PCDH15: variants seen among roughly 807,000 people sequenced by gnomAD.
PCDH15 encodes the protein protocadherin-15.
PCDH15 carries 129 observed loss-of-function variants against 178.5 expected under a neutral mutation model. The observed-to-expected ratio is 0.72, with a 90% CI of 0.63 to 0.84. The LOEUF is 0.84. Among genes scored for constraint, PCDH15 ranks in the 40% least tolerant of loss-of-function variants. The pLI, the probability that PCDH15 is intolerant of heterozygous loss-of-function variation, is 0.00. For synonymous variants in PCDH15, 800 were observed against 732.0 expected (o/e 1.09, Z -1.50); for missense variants, 2,230 against 2,099.9 (o/e 1.06, Z -1.21).
At chr10:54,794,404 T>C (rs571638537) in intron 1 of PCDH15, among the ~76,000 whole-genome samples, 1 of 151,782 alleles carries the variant, frequency 6.6e-6, no homozygotes, top group African/African-American at 2.4e-5. Flanking sequence ...ATTAATATAA[T>C]GTATGCTATT....
In PCDH15 at chr10:55,549,849, A is replaced by T. The variant is rs542866510; in HGVS notation, c.-156+77776T>A. On this transcript the variant is annotated intron_variant, in intron 2 of 5. Transcript: ENST00000613346. ...GTGTTCTCTATCATTGTCAATTGGTACGACAAATAGAGGAGAAAAGACTAG... is the reference window on the plus strand; with the variant it reads ...GTGTTCTCTATCATTGTCAATTGGTTCGACAAATAGAGGAGAAAAGACTAG... 5.9e-5 allele frequency among the ~76,000 whole-genome samples: 9 copies of T among 152,254 alleles called. No homozygotes were observed. In the South Asian group the frequency reaches 1.5e-3, roughly 25 times the overall value.
intron 2 of PCDH15, among the ~76,000 whole-genome samples, chr10:55,379,619 T>A (rs1007017499): frequency 4.6e-5 from 7 of 151,954 alleles, no homozygotes; most frequent in Non-Finnish European, 8.8e-5. Flanking sequence ...AAATACTTAT[T>A]TAGCTGTAAA....
intron 18 of PCDH15, among the ~76,000 whole-genome samples, chr10:54,040,062 G>T (rs1304883118): frequency 6.6e-6 from 1 of 151,928 alleles, no homozygotes; most frequent in Non-Finnish European, 1.5e-5. Context: ...TGCAAATCAT[G>T]CACTATACAA....
At chr10:54,161,750 G>A (rs1228232411) in intron 13 of PCDH15, among the ~76,000 whole-genome samples, 1 of 151,958 alleles carries the variant, frequency 6.6e-6, no homozygotes, top group Non-Finnish European at 1.5e-5. Flanking sequence ...TCTCATCCAT[G>A]GATTATGATT....
At chr10:55,070,243 A>T (rs1170026352) in intron 2 of PCDH15, among the ~76,000 whole-genome samples, 1 of 152,024 alleles carries the variant, frequency 6.6e-6, no homozygotes, top group East Asian at 1.9e-4. Flanking sequence ...GTTCACTCTG[A>T]TGGTAGTTTC....
chr10:55,229,787 C>T (rs967505004), intron 1 of PCDH15, among the ~76,000 whole-genome samples: 2 of 152,000 alleles, frequency 1.3e-5, no homozygotes, highest in Non-Finnish European at 1.5e-5. Context: ...GAGTAGTAGA[C>T]AGCAGAATAA....
chr10:54,334,718 T>G (rs1168275880), intron 6 of PCDH15, among the ~76,000 whole-genome samples: 1 of 140,180 alleles, frequency 7.1e-6, no homozygotes, highest in Non-Finnish European at 1.6e-5. Flanking sequence ...CACACACGTG[T>G]ATATATATTT....
At chr10:54,431,048 A>G (rs1423333345) in intron 3 of PCDH15, among the ~76,000 whole-genome samples, 1 of 152,140 alleles carries the variant, frequency 6.6e-6, no homozygotes, top group East Asian at 1.9e-4. Context: ...ACAAGCTACC[A>G]GAATAGACGC....
chr10:54,670,991 C>T (rs928383791), intron 1 of PCDH15, among the ~76,000 whole-genome samples: 1 of 152,042 alleles, frequency 6.6e-6, no homozygotes, highest in Admixed American at 6.6e-5. Context: ...GTTTTCAGAA[C>T]CTTCATCTAA....
At chr10:54,446,763 G>A (rs535974771) in intron 3 of PCDH15, among the ~76,000 whole-genome samples, 19 of 151,414 alleles carry the variant, frequency 1.3e-4, no homozygotes, top group East Asian at 3.9e-4. Flanking sequence ...TAAAAAAGTC[G>A]GATTAGGCTC....
chr10:55,162,791 G>A (rs1839098631), intron 2 of PCDH15, among the ~76,000 whole-genome samples: 1 of 152,110 alleles, frequency 6.6e-6, no homozygotes, highest in Admixed American at 6.6e-5. Context: ...GCATGATGCA[G>A]TAGAACCTAC....
At chr10:55,226,113 G>C (rs1285421829) in intron 1 of PCDH15, among the ~76,000 whole-genome samples, 1 of 151,998 alleles carries the variant, frequency 6.6e-6, no homozygotes, top group Non-Finnish European at 1.5e-5. Context: ...AAACACATCA[G>C]TTAATAAGGC....
intron 2 of PCDH15, among the ~76,000 whole-genome samples, chr10:55,351,135 A>T (rs1054609084): frequency 2.0e-5 from 3 of 147,354 alleles, no homozygotes; most frequent in African/African-American, 5.0e-5. Context: ...ACAAATTTAA[A>T]CCTACCTAAA....
intron 2 of PCDH15, among the ~76,000 whole-genome samples, chr10:55,082,123 A>G (rs1221075611): frequency 6.6e-6 from 1 of 152,214 alleles, no homozygotes; most frequent in Admixed American, 6.5e-5. Flanking sequence ...TGCAGAATAC[A>G]CAATCTCTTC....
chr10:54,734,985 C>A (rs1407212278), intron 1 of PCDH15, among the ~76,000 whole-genome samples: 2 of 151,822 alleles, frequency 1.3e-5, no homozygotes, highest in Non-Finnish European at 2.9e-5. Context: ...ATATTTCATA[C>A]CCTAAAGTGT....
intron 3 of PCDH15, among the ~76,000 whole-genome samples, chr10:54,401,628 G>A (rs35731360): frequency 0.019 from 2,922 of 151,790 alleles, 36 homozygotes; most frequent in Non-Finnish European, 0.03. Flanking sequence ...AGAAATTACA[G>A]AAATCTAAAC....
chr10:54,212,201 T>C (rs1196162725), intron 10 of PCDH15, among the ~76,000 whole-genome samples: 3 of 152,086 alleles, frequency 2.0e-5, no homozygotes, highest in East Asian at 1.9e-4. Context: ...AGATCCACAA[T>C]AGAAAATCAG....
intron 2 of PCDH15, among the ~76,000 whole-genome samples, chr10:55,113,623 C>T (rs1837562321): frequency 6.6e-6 from 1 of 152,134 alleles, no homozygotes; most frequent in Admixed American, 6.5e-5. Context: ...CTGGAGACTC[C>T]TTATACTGTG....
At chr10:55,263,745 A>AG (rs1842206956) in intron 1 of PCDH15, among the ~76,000 whole-genome samples, 1 of 151,610 alleles carries the variant, frequency 6.6e-6, no homozygotes, top group Non-Finnish European at 1.5e-5. Context: ...TTATTATTTT[A>AG]TTTTTTTGAG....
Sources: gnomAD v4.1 joint callset for allele counts (sites outside exome capture counted in the v4.1 genomes callset) on GRCh38, gnomAD v4.1.1 for gene constraint, MANE v1.5 for transcripts, NCBI Gene and HGNC (gene_info 2026-07-23, HGNC 2026-07-21) for gene names.